Variants in PTPRT observed in about 807,000 individuals in gnomAD.
PTPRT encodes the protein receptor-type tyrosine-protein phosphatase T.
PTPRT carries 56 observed loss-of-function variants against 176.8 expected under a neutral mutation model. The observed-to-expected ratio is 0.32, with a 90% CI of 0.26 to 0.40. The LOEUF (loss-of-function observed/expected upper bound fraction) is 0.40. PTPRT is among the 10% of genes least tolerant of loss of function. The probability of loss-of-function intolerance (pLI) is 1.00; values close to 1 mark genes in which losing one functional copy is unlikely to be tolerated. For missense variants in PTPRT, 1,540 were observed against 1,908.2 expected, an observed-to-expected ratio of 0.81 and a Z score of 3.60; for synonymous variants, 783 against 739.0, an observed-to-expected ratio of 1.06 and a Z score of -0.96.
At chr20:42,309,640 G>A (rs571331945) in intron 12 of PTPRT, among the ~76,000 whole-genome samples, 1 of 152,150 alleles carries the variant, frequency 6.6e-6, no homozygotes, top group African/African-American at 2.4e-5. Flanking sequence ...CAAACAGACT[G>A]TGTGAAGTAT....
intron 7 of PTPRT, among the ~76,000 whole-genome samples, chr20:42,508,127 TTGTG>T (rs57895943): frequency 6.8e-6 from 1 of 146,608 alleles, no homozygotes; most frequent in Non-Finnish European, 1.5e-5. Context: ...ATTACCCTTT[TTGTG>T]TGTGTGTGTG....
rs1198135614 is a variant in PTPRT at position 42,305,327 on chromosome 20, G to C, written c.2139+10396C>G. ...GATCATGCCACTGCAATCTAGCCTG[G>C]GCAACAGAGTGTGACTCTGTCTCAA... On this transcript the variant is annotated intron_variant, in intron 12 of 30. Transcript: ENST00000373187. Among the ~76,000 whole-genome samples, 6 of 151,770 alleles carry C rather than the reference G, an allele frequency of 4.0e-5. No individual in the cohort carries two copies. In the East Asian group the frequency reaches 1.2e-3, roughly 29 times the overall value.
intron 9 of PTPRT, among the ~76,000 whole-genome samples, chr20:42,434,073 A>T (rs1043544256): frequency 7.4e-5 from 11 of 148,164 alleles, no homozygotes; most frequent in African/African-American, 2.5e-4. Context: ...AGTGAAAATT[A>T]AAAAAAAAAA....
chr20:43,127,707 G>T (rs576625177), intron 1 of PTPRT, among the ~76,000 whole-genome samples: 1 of 152,264 alleles, frequency 6.6e-6, no homozygotes, highest in East Asian at 1.9e-4. Context: ...AGGTTGGTGA[G>T]TCATGGACAT....
chr20:43,017,501 C>G (rs1985434500), intron 1 of PTPRT, among the ~76,000 whole-genome samples: 1 of 152,186 alleles, frequency 6.6e-6, no homozygotes, highest in Admixed American at 6.5e-5. Context: ...TGTCTGTCTT[C>G]CCCCTCTGCA....
At chr20:42,124,702 T>C (rs1325038210) in intron 19 of PTPRT, among the ~76,000 whole-genome samples, 1 of 152,230 alleles carries the variant, frequency 6.6e-6, no homozygotes, top group Non-Finnish European at 1.5e-5. Context: ...TCTGGAGTAC[T>C]GTTTTGCCAG....
Position 42,917,822 on chromosome 20 carries a change from G to A in PTPRT, c.89-31890C>T, listed in dbSNP as rs147462264. Among the ~76,000 whole-genome samples the A allele has an allele frequency of 2.5e-3, 380 of 152,308 alleles. 1 individual carries two copies. The highest frequency in any genetic ancestry group is 8.7e-3 in the African/African-American group (360 of 41,580). ...TTGAGGTGAGGGATGGAGATAGTTAGCTCTTCTCCTTCATTCTCCATCTCA... is the reference window on the plus strand; with the variant it reads ...TTGAGGTGAGGGATGGAGATAGTTAACTCTTCTCCTTCATTCTCCATCTCA... On this transcript the variant is annotated intron_variant, in intron 1 of 30. Coordinates refer to ENST00000373187, the MANE Select transcript of PTPRT (RefSeq NM_007050.6).
intron 27 of PTPRT, among the ~76,000 whole-genome samples, chr20:42,086,945 A>G (rs1984028892): frequency 6.6e-6 from 1 of 150,562 alleles, no homozygotes; most frequent in Non-Finnish European, 1.5e-5. Context: ...TTTATCTGGA[A>G]TTGGAAATTA....
intron 1 of PTPRT, among the ~76,000 whole-genome samples, chr20:43,118,601 G>C (rs141041973): frequency 4.6e-5 from 7 of 152,002 alleles, no homozygotes; most frequent in Admixed American, 4.6e-4. Context: ...CACCATGCCC[G>C]GCTAATTTTT....
intron 2 of PTPRT, among the ~76,000 whole-genome samples, chr20:42,795,642 A>G (rs558745111): frequency 4.6e-5 from 7 of 152,216 alleles, no homozygotes; most frequent in Non-Finnish European, 1.0e-4. Flanking sequence ...ACCTACTTGA[A>G]GGGAATGGAT....
At chr20:42,886,071 A>ATATATAT in intron 1 of PTPRT, 139 bp from the exon 2 acceptor site, 3 of 395,454 alleles carry the variant, frequency 7.6e-6, no homozygotes, top group Middle Eastern at 1.1e-3. Flanking sequence ...ATATATATAT[A>ATATATAT]AAAGATGAGC....
chr20:43,115,432 C>A (rs1296913483), intron 1 of PTPRT, among the ~76,000 whole-genome samples: 1 of 152,156 alleles, frequency 6.6e-6, no homozygotes, highest in Non-Finnish European at 1.5e-5. Flanking sequence ...TTGTTCAAGC[C>A]CCCCAGTCAA....
intron 1 of PTPRT, among the ~76,000 whole-genome samples, chr20:43,014,090 T>C (rs1391894866): frequency 6.6e-6 from 1 of 152,184 alleles, no homozygotes; most frequent in Non-Finnish European, 1.5e-5. Flanking sequence ...GGTGGAGAGA[T>C]AATGATTAAA....
chr20:42,743,159 G>A (rs146579507), intron 6 of PTPRT, among the ~76,000 whole-genome samples: 89 of 152,268 alleles, frequency 5.8e-4, no homozygotes, highest in Non-Finnish European at 1.5e-4. Context: ...CCACCAGGCC[G>A]CATTCCATCA....
rs1231942379 is a variant in PTPRT, at chr20:42,102,181, G to C, written c.3657C>G (p.Pro1219=). The C allele has an allele frequency of 6.2e-7, 1 of 1,614,210 alleles. No homozygotes were observed. Among genetic ancestry groups the C allele is most frequent in the African/African-American group, 1.3e-5 (1 of 75,058 alleles). ...MDVLPLDRCL[P]FLISVDGESS... is the part of the protein sequence containing the mutation. ...ATTCTCCGTCCACTGAGATAAGGAA[G>C]GGCAGGCAGCGGTCCAGAGGCAGCA... The change falls in exon 26 of 31, where the codon CCC becomes CCG. Residue 1219 remains proline (P), a synonymous_variant. Coordinates refer to ENST00000373187, the MANE Select transcript of PTPRT (RefSeq NM_007050.6).
chr20:43,066,479 A>C (rs1202689033), intron 1 of PTPRT, among the ~76,000 whole-genome samples: 1 of 152,218 alleles, frequency 6.6e-6, no homozygotes, highest in Non-Finnish European at 1.5e-5. Flanking sequence ...TGGTGCAGGA[A>C]TAAGTCGGTA....
intron 16 of PTPRT, among the ~76,000 whole-genome samples, chr20:42,187,534 A>G (rs933047388): frequency 1.3e-5 from 2 of 152,170 alleles, no homozygotes; most frequent in African/African-American, 2.4e-5. Flanking sequence ...ACTACCTCAC[A>G]TGCAGCTTTT....
chr20:42,120,007 T>C (rs778520258), intron 19 of PTPRT, 36 bp from the exon 20 acceptor site: 3 of 1,575,994 alleles, frequency 1.9e-6, no homozygotes, highest in South Asian at 1.1e-5. Context: ...GAAGAGTCTG[T>C]TGTCAAAGCT....
In PTPRT at chr20:43,032,491, A is replaced by AC. The variant is rs749792138; in HGVS notation, c.89-146560dup. On this transcript the variant is annotated intron_variant, in intron 1 of 30. Coordinates refer to ENST00000373187, the MANE Select transcript of PTPRT (RefSeq NM_007050.6). ...TTTTCATTAAAAAAAAAAAAAAAAA[A>AC]CAGTGGCAAATAAACCTAATTAATC... Among the ~76,000 whole-genome samples, 495 of 144,700 alleles carry AC rather than the reference A, an allele frequency of 3.4e-3. 14 individuals carry two copies. The East Asian group carries it at 0.042, about 12-fold the overall frequency. 94.9% of individuals were successfully genotyped at this position (144,700 alleles called of 152,430 possible).
Sources: allele counts gnomAD v4.1 joint callset (sites outside exome capture counted in the v4.1 genomes callset), GRCh38; gene constraint gnomAD v4.1.1; transcripts MANE v1.5; gene names NCBI Gene and HGNC (gene_info 2026-07-23, HGNC 2026-07-21).